The following NUP93 variants were observed in gnomAD, a reference collection of about 807,000 sequenced individuals.
The protein encoded by NUP93 is nuclear pore complex protein Nup93.
Under a neutral mutation model 107.8 loss-of-function variants are expected in NUP93, and 55 were observed. The observed-to-expected ratio is 0.51, with a 90% CI of 0.41 to 0.64. NUP93 has a LOEUF of 0.64. Ranked by LOEUF, NUP93 falls within the 30% of genes least tolerant of loss-of-function variation. The pLI, the probability that NUP93 is intolerant of heterozygous loss-of-function variation, is 0.00. For missense variants in NUP93, 937 were observed against 1,044.7 expected, an observed-to-expected ratio of 0.90 and a Z score of 1.42; for synonymous variants, 390 against 397.5, an observed-to-expected ratio of 0.98 and a Z score of 0.22.
At chr16:56,809,083 C>T (rs1963255527) in intron 5 of NUP93, among the ~76,000 whole-genome samples, 2 of 152,012 alleles carry the variant, frequency 1.3e-5, no homozygotes, top group African/African-American at 4.8e-5. Flanking sequence ...TTTTTCCCTT[C>T]ATGTATCCCA....
chr16:56,755,656 A>G (rs1962005284), intron 2 of NUP93, among the ~76,000 whole-genome samples: 1 of 152,120 alleles, frequency 6.6e-6, no homozygotes, highest in Non-Finnish European at 1.5e-5. Context: ...TGGGTGGATC[A>G]TTTGAGCCTG....
At chr16:56,800,930 T>G (rs557774433) in intron 4 of NUP93, among the ~76,000 whole-genome samples, 2 of 152,370 alleles carry the variant, frequency 1.3e-5, no homozygotes, top group East Asian at 3.9e-4. Context: ...TGTCCAATTC[T>G]TCCCATGCTT....
chr16:56,776,279 C>T (rs1322967570), intron 3 of NUP93, among the ~76,000 whole-genome samples: 1 of 152,084 alleles, frequency 6.6e-6, no homozygotes, highest in African/African-American at 2.4e-5. Flanking sequence ...TAAACCTTTT[C>T]TTTCCGTTGA....
chr16:56,766,498 CTT>C (rs1333532402), intron 3 of NUP93, among the ~76,000 whole-genome samples: 1 of 152,146 alleles, frequency 6.6e-6, no homozygotes, highest in East Asian at 1.9e-4. Context: ...ATGGGCATGT[CTT>C]TTTATCTGCT....
intron 8 of NUP93, among the ~76,000 whole-genome samples, chr16:56,824,463 G>A (rs1315324758): frequency 5.3e-5 from 8 of 152,154 alleles, no homozygotes; most frequent in Non-Finnish European, 1.5e-5. Flanking sequence ...ATCCCTCCCT[G>A]TGGACACTCC....
intron 5 of NUP93, 77 bp from the exon 6 acceptor site, chr16:56,818,587 T>C: frequency 8.9e-7 from 1 of 1,128,894 alleles, no homozygotes; most frequent in Non-Finnish European, 1.3e-6. Flanking sequence ...GACAAGAATA[T>C]GTTTATGATG....
intron 1 of NUP93, among the ~76,000 whole-genome samples, chr16:56,743,719 C>G (rs143342946): frequency 2.6e-5 from 4 of 152,258 alleles, no homozygotes; most frequent in Non-Finnish European, 5.9e-5. Flanking sequence ...AAATTGCCAG[C>G]CCCCTTGAAG....
At chr16:56,759,158 C>T (rs1962080653) in intron 3 of NUP93, among the ~76,000 whole-genome samples, 1 of 152,220 alleles carries the variant, frequency 6.6e-6, no homozygotes, top group South Asian at 2.1e-4. Flanking sequence ...TAATAGAGCA[C>T]TCCAGTCTCA....
intron 2 of NUP93, among the ~76,000 whole-genome samples, chr16:56,756,629 A>G (rs1567377611): frequency 1.3e-5 from 2 of 152,100 alleles, no homozygotes; most frequent in Admixed American, 1.3e-4. Flanking sequence ...TTTATAGTAG[A>G]ATGATTTATA....
intron 6 of NUP93, among the ~76,000 whole-genome samples, chr16:56,820,508 G>A (rs183336445): frequency 2.0e-5 from 3 of 152,262 alleles, no homozygotes; most frequent in East Asian, 1.9e-4. Context: ...TACAGACCAG[G>A]GTTTCACCAT....
rs150971578 is a variant in NUP93 at position 56,777,603 on chromosome 16, T to G, written c.297+18948T>G. 6.0e-4 allele frequency among the ~76,000 whole-genome samples: 92 copies of G among 152,372 alleles called. No individual in the cohort carries two copies. The East Asian group carries it at 0.014, about 23-fold the overall frequency. Reference sequence around the variant, plus strand: ...AATTAGCAGAATTGCTTCTTCATTCTCAGCTAATTAGTAAGGACAGATGAG... The same window carrying G: ...AATTAGCAGAATTGCTTCTTCATTCGCAGCTAATTAGTAAGGACAGATGAG... On this transcript the variant is annotated intron_variant, in intron 3 of 21. Coordinates refer to ENST00000308159, the MANE Select transcript of NUP93 (RefSeq NM_014669.5).
At chr16:56,746,814 G>C (rs1961827601) in intron 1 of NUP93, among the ~76,000 whole-genome samples, 1 of 152,182 alleles carries the variant, frequency 6.6e-6, no homozygotes, top group South Asian at 2.1e-4. Flanking sequence ...GGAGACTGAG[G>C]CATGAGAATT....
intron 2 of NUP93, among the ~76,000 whole-genome samples, chr16:56,753,392 AC>A (rs1961959281): frequency 6.6e-6 from 1 of 152,188 alleles, no homozygotes; most frequent in Non-Finnish European, 1.5e-5. Context: ...TGCAGGAAAT[AC>A]AGAGGATAAA....
At chr16:56,741,004 G>GAGGAGA (rs1555489842) in intron 1 of NUP93, 1 of 144,802 alleles carries the variant, frequency 6.9e-6, no homozygotes, top group Non-Finnish European at 1.5e-5. Context: ...GGGAGACCGT[G>GAGGAGA]GGGAGAGGGA....
chr16:56,805,332 A>G (rs1963112257), intron 4 of NUP93, 172 bp from the exon 5 acceptor site: 1 of 681,992 alleles, frequency 1.5e-6, no homozygotes, highest in Non-Finnish European at 2.4e-6. Context: ...ACAGGTGTAA[A>G]CCACCACGCT....
chr16:56,748,259 G>A lies in NUP93; in HGVS notation c.12G>A (p.Glu4=), dbSNP rs1214999494. The stretch of plus-strand genomic sequence containing the variant: ...GATCTGCATCTCCAATGGATACTGA[G>A]GGGTTTGGTGAGCTCCTTCAGCAAG... MDT[E]GFGELLQQAE... is the part of the protein sequence containing the mutation. The change falls in exon 2 of 22, where the codon GAG becomes GAA. Residue 4 remains glutamate (E), a synonymous_variant. Transcript: ENST00000308159. 2.5e-6 allele frequency: 4 copies of A among 1,610,548 alleles called. No individual in the cohort carries two copies. Among genetic ancestry groups the A allele is most frequent in the African/African-American group, 2.7e-5 (2 of 74,714 alleles).
In NUP93 at chr16:56,837,601, T is replaced by A; in HGVS notation, c.1900-7T>A. On this transcript the variant is annotated splice_region_variant and splice_polypyrimidine_tract_variant and intron_variant, in intron 17 of 21. Coordinates refer to ENST00000308159, the MANE Select transcript of NUP93 (RefSeq NM_014669.5). The stretch of plus-strand genomic sequence containing the variant: ...GATTGCTTCCTTAATTTTAAAAACT[T>A]GAGCAGAATGCTGACAAGGTACTGG... 6.2e-7 allele frequency: 1 copy of A among 1,609,578 alleles called. No individual in the cohort carries two copies. The highest frequency in any genetic ancestry group is 8.5e-7 in the Non-Finnish European group (1 of 1,175,978).
At chr16:56,808,705 A>T (rs1596823883) in intron 5 of NUP93, among the ~76,000 whole-genome samples, 1 of 98,954 alleles carries the variant, frequency 1.0e-5, no homozygotes, top group Non-Finnish European at 1.8e-5. Flanking sequence ...ATATATAAAA[A>T]TACATATATA....
intron 16 of NUP93, among the ~76,000 whole-genome samples, chr16:56,835,993 G>A (rs974088524): frequency 5.9e-5 from 9 of 152,088 alleles, no homozygotes; most frequent in Non-Finnish European, 1.3e-4. Context: ...GCCAGGCGTG[G>A]TGGTGGGTAC....
Sources: allele counts gnomAD v4.1 joint callset (sites outside exome capture counted in the v4.1 genomes callset), GRCh38; gene constraint gnomAD v4.1.1; transcripts MANE v1.5; gene names NCBI Gene and HGNC (gene_info 2026-07-23, HGNC 2026-07-21).